Variants in RFX3 observed in about 807,000 individuals in gnomAD.
RFX3 encodes transcription factor RFX3.
A neutral mutation model predicts 98.6 loss-of-function variants in RFX3; 14 were observed. The ratio of observed to expected loss-of-function variants is 0.14; its 90% CI spans 0.09 to 0.22. The LOEUF is 0.22. RFX3 is among the 10% of genes least tolerant of loss of function. The probability of loss-of-function intolerance (pLI) is 1.00; values close to 1 mark genes in which losing one functional copy is unlikely to be tolerated. For synonymous variants in RFX3, 383 were observed against 328.4 expected (o/e 1.17, Z -1.80); for missense variants, 639 against 926.9 (o/e 0.69, Z 4.03).
chr9:3,351,821 G>C (rs1233249894), intron 2 of RFX3, among the ~76,000 whole-genome samples: 1 of 151,868 alleles, frequency 6.6e-6, no homozygotes, highest in Non-Finnish European at 1.5e-5. Flanking sequence ...AATATTTTAA[G>C]AAAACGAGCA....
intron 3 of RFX3, among the ~76,000 whole-genome samples, chr9:3,345,870 AAGAGT>A (rs1305762737): frequency 2.0e-5 from 3 of 152,198 alleles, no homozygotes; most frequent in Admixed American, 6.5e-5. Context: ...CACTCAAGGA[AAGAGT>A]AGATGTAGTA....
chr9:3,387,873 A>G (rs577719733), intron 2 of RFX3, among the ~76,000 whole-genome samples: 5 of 152,268 alleles, frequency 3.3e-5, no homozygotes, highest in African/African-American at 1.2e-4. Flanking sequence ...ATTCACAGAA[A>G]GCAAACCTCT....
At chr9:3,389,246 G>A (rs1029395541) in intron 2 of RFX3, among the ~76,000 whole-genome samples, 1 of 152,042 alleles carries the variant, frequency 6.6e-6, no homozygotes, top group Non-Finnish European at 1.5e-5. Flanking sequence ...GGGGTTAGAC[G>A]ACCTCCTAGG....
In RFX3 at chr9:3,395,492, G is replaced by T; in HGVS notation, c.97C>A (p.Gln33Lys). 6.2e-7 allele frequency: 1 copy of T among 1,613,902 alleles called. No homozygotes were observed. The highest frequency in any genetic ancestry group is 8.5e-7 in the Non-Finnish European group (1 of 1,179,756). Residue 33 changes from glutamine to lysine, a missense_variant, in exon 2 of 17, where the codon CAA (glutamine) becomes AAA (lysine). By Grantham distance (53) the Gln-to-Lys change is moderately conservative. Transcript: ENST00000617270. ...CTTACCTGTTGTTGTACTGGTACTT[G>T]CTGTACCACCTGCGTAGGCACTGCT... is the stretch of plus-strand genomic sequence containing the variant. ...QAAVPTQVVQ[Q>K]VPVQQQVQQV...
At chr9:3,301,803 C>G (rs138895104) in intron 4 of RFX3, among the ~76,000 whole-genome samples, 183 bp from the exon 5 acceptor site, 86 of 151,904 alleles carry the variant, frequency 5.7e-4, no homozygotes, top group African/African-American at 2.0e-3. Flanking sequence ...TAAAAATATG[C>G]ACACTAATAA....
chr9:3,451,930 C>A (rs1846675664), intron 1 of RFX3, among the ~76,000 whole-genome samples: 1 of 151,178 alleles, frequency 6.6e-6, no homozygotes, highest in South Asian at 2.1e-4. Context: ...TGGAATTGTA[C>A]AATTTCAATT....
At chr9:3,516,055 A>ATT (rs879285687) in intron 1 of RFX3, among the ~76,000 whole-genome samples, 308 of 148,932 alleles carry the variant, frequency 2.1e-3, no homozygotes, top group African/African-American at 7.1e-3. Context: ...AAAAAAAAAA[A>ATT]TTTTTTTTTT....
intron 2 of RFX3, among the ~76,000 whole-genome samples, chr9:3,354,145 T>C (rs1441138968): frequency 6.6e-6 from 1 of 151,926 alleles, no homozygotes. Flanking sequence ...AAAGAAATGA[T>C]GAGAAATAAA....
chr9:3,260,175 T>A (rs1399880249), intron 13 of RFX3, among the ~76,000 whole-genome samples: 11 of 152,056 alleles, frequency 7.2e-5, no homozygotes, highest in Non-Finnish European at 1.5e-5. Flanking sequence ...CACTACTGTG[T>A]CATGGTACTC....
In RFX3 at chr9:3,270,988, G is replaced by T; in HGVS notation, c.1202+15C>A. On this transcript the variant is annotated intron_variant, in intron 10 of 16. Coordinates refer to ENST00000617270, the MANE Select transcript of RFX3 (RefSeq NM_001282116.2). ...TCAGCCATGAAAATGAATTGGAAAA[G>T]ATGTTGATTCTGACCTCGATTCGGT... is the stretch of plus-strand genomic sequence containing the variant. The T allele has an allele frequency of 6.2e-7, 1 of 1,613,652 alleles. No individual in the cohort carries two copies. Among genetic ancestry groups the T allele is most frequent in the Non-Finnish European group, 8.5e-7 (1 of 1,179,694 alleles).
chr9:3,312,269 G>A (rs1368956059), intron 4 of RFX3, among the ~76,000 whole-genome samples: 3 of 152,182 alleles, frequency 2.0e-5, no homozygotes, highest in African/African-American at 7.2e-5. Context: ...GGGCCACAAT[G>A]TAAAGGTATT....
At chr9:3,450,126 G>T (rs1846442812) in intron 1 of RFX3, among the ~76,000 whole-genome samples, 1 of 152,054 alleles carries the variant, frequency 6.6e-6, no homozygotes, top group Non-Finnish European at 1.5e-5. Context: ...GCAAGGCAGA[G>T]AAAAAATAAA....
chr9:3,382,572 T>A (rs1438131505), intron 2 of RFX3, among the ~76,000 whole-genome samples: 1 of 152,196 alleles, frequency 6.6e-6, no homozygotes, highest in Non-Finnish European at 1.5e-5. Context: ...TAATTTTTAA[T>A]GCTTTTGTCT....
intron 3 of RFX3, among the ~76,000 whole-genome samples, chr9:3,336,282 A>G (rs1833167280): frequency 6.6e-6 from 1 of 152,150 alleles, no homozygotes; most frequent in Non-Finnish European, 1.5e-5. Context: ...TAGCACCTAG[A>G]ATAAAAGGAA....
chr9:3,290,530 G>A (rs1240330657), intron 6 of RFX3, among the ~76,000 whole-genome samples: 1 of 152,138 alleles, frequency 6.6e-6, no homozygotes, highest in African/African-American at 2.4e-5. Flanking sequence ...CCACCAGCGA[G>A]GAGATAGTAG....
intron 2 of RFX3, among the ~76,000 whole-genome samples, chr9:3,378,917 G>T (rs1364003978): frequency 6.6e-6 from 1 of 152,028 alleles, no homozygotes; most frequent in African/African-American, 2.4e-5. Flanking sequence ...CTCCATTTTG[G>T]ATACATCAGA....
chr9:3,363,015 T>A (rs1836634776), intron 2 of RFX3, among the ~76,000 whole-genome samples: 1 of 152,234 alleles, frequency 6.6e-6, no homozygotes, highest in African/African-American at 2.4e-5. Flanking sequence ...CCATTACTTC[T>A]TACAAAGTGA....
intron 12 of RFX3, among the ~76,000 whole-genome samples, chr9:3,264,149 G>A (rs994108809): frequency 3.3e-5 from 5 of 151,924 alleles, no homozygotes; most frequent in African/African-American, 9.7e-5. Flanking sequence ...TGCACGATTT[G>A]TTGCCTGTTC....
In RFX3 at chr9:3,262,960, T is replaced by C; in HGVS notation, c.1580A>G (p.Asn527Ser). ...CTGGACATTGGCAAAGTCGACACGG[T>C]TGAGGTCACTAAGCATCTGGTTGAT... ...SQINQMLSDLNRVDFANVQEQ... is the reference protein window; with the variant it reads ...SQINQMLSDLSRVDFANVQEQ... Residue 527 changes from asparagine to serine, a missense_variant, in exon 13 of 17, where the codon AAC becomes AGC. Transcript: ENST00000617270. 1.2e-6 allele frequency: 2 copies of C among 1,613,780 alleles called. No homozygotes were observed. The highest frequency in any genetic ancestry group is 8.5e-7 in the Non-Finnish European group (1 of 1,179,732).
Sources: gnomAD v4.1 joint callset for allele counts (sites outside exome capture counted in the v4.1 genomes callset) on GRCh38, gnomAD v4.1.1 for gene constraint, MANE v1.5 for transcripts, NCBI Gene and HGNC (gene_info 2026-07-23, HGNC 2026-07-21) for gene names.